Variants in TFDP1 observed in about 807,000 individuals in gnomAD.
TFDP1 encodes the protein DRTF1-polypeptide 1.
A neutral mutation model predicts 48.0 loss-of-function variants in TFDP1; 6 were observed. That is an observed-to-expected ratio of 0.13 (90% CI 0.07 to 0.25). The LOEUF (loss-of-function observed/expected upper bound fraction) is 0.25. Among genes scored for constraint, TFDP1 ranks in the 10% least tolerant of loss-of-function variants. TFDP1 has a pLI of 1.00. For synonymous variants in TFDP1, 201 were observed against 211.6 expected, an observed-to-expected ratio of 0.95 and a Z score of 0.44; for missense variants, 335 against 543.0, an observed-to-expected ratio of 0.62 and a Z score of 3.81.
chr13:113,603,376 G>C (rs1297175966), intron 2 of TFDP1, among the ~76,000 whole-genome samples: 1 of 152,262 alleles, frequency 6.6e-6, no homozygotes, highest in Non-Finnish European at 1.5e-5. Flanking sequence ...GGCCCGGGCA[G>C]CGCCTCCATC....
intron 2 of TFDP1, among the ~76,000 whole-genome samples, chr13:113,592,282 A>C (rs1029649915): frequency 6.6e-6 from 1 of 152,178 alleles, no homozygotes; most frequent in African/African-American, 2.4e-5. Flanking sequence ...CAGCCTCCCA[A>C]GTAGCTGGGA....
chr13:113,624,401 G>C (rs1014853167), intron 4 of TFDP1, among the ~76,000 whole-genome samples: 8 of 149,078 alleles, frequency 5.4e-5, no homozygotes, highest in East Asian at 2.0e-4. Flanking sequence ...GTATCTCTCA[G>C]GCATCCCCAG....
chr13:113,615,985 C>G (rs2048847094), intron 3 of TFDP1, among the ~76,000 whole-genome samples: 1 of 151,926 alleles, frequency 6.6e-6, no homozygotes, highest in Non-Finnish European at 1.5e-5. Context: ...GGTGTATCAC[C>G]TGAGGTCAGG....
chr13:113,631,963 C>G (rs1364152430), intron 5 of TFDP1: 2 of 587,146 alleles, frequency 3.4e-6, no homozygotes, highest in Non-Finnish European at 5.8e-6. Flanking sequence ...GCACCGCCCA[C>G]CCCGCTTTGT....
At chr13:113,593,180 G>C (rs1246539777) in intron 2 of TFDP1, among the ~76,000 whole-genome samples, 2 of 145,432 alleles carry the variant, frequency 1.4e-5, no homozygotes, top group Non-Finnish European at 3.0e-5. Flanking sequence ...CCCTGCCCAG[G>C]TGACAGGTGT....
intron 3 of TFDP1, among the ~76,000 whole-genome samples, chr13:113,614,397 C>T (rs1324962580): frequency 1.3e-5 from 2 of 152,178 alleles, no homozygotes; most frequent in African/African-American, 4.8e-5. Context: ...TAGATGGAGC[C>T]GTTGCAGCTG....
At chr13:113,611,425 T>A (rs2140402635) in intron 3 of TFDP1, among the ~76,000 whole-genome samples, 1 of 152,374 alleles carries the variant, frequency 6.6e-6, no homozygotes, top group East Asian at 1.9e-4. Context: ...CCTGTGCTGT[T>A]TGAGGAAAGA....
chr13:113,601,047 C>T (rs556047128), intron 2 of TFDP1, among the ~76,000 whole-genome samples: 2 of 152,210 alleles, frequency 1.3e-5, no homozygotes, highest in East Asian at 3.9e-4. Flanking sequence ...TGAGCCTTCA[C>T]GCTGTCCTGG....
At chr13:113,586,540 T>A (rs191531099) in intron 2 of TFDP1, among the ~76,000 whole-genome samples, 2 of 152,344 alleles carry the variant, frequency 1.3e-5, no homozygotes, top group Admixed American at 1.3e-4. Context: ...CTGGATTCTT[T>A]AGTGTTTCCC....
intron 4 of TFDP1, among the ~76,000 whole-genome samples, chr13:113,629,217 C>T (rs547205417): frequency 6.6e-5 from 10 of 152,324 alleles, no homozygotes; most frequent in South Asian, 4.1e-4. Flanking sequence ...GGCCGGATGC[C>T]GCGGGGCCTT....
chr13:113,589,724 C>T (rs1474784745), intron 2 of TFDP1, among the ~76,000 whole-genome samples: 2 of 152,232 alleles, frequency 1.3e-5, no homozygotes, highest in African/African-American at 4.8e-5. Context: ...TAGAGTCGGA[C>T]AGACCCTTGT....
chr13:113,603,925 G>A (rs1348623215), intron 2 of TFDP1, among the ~76,000 whole-genome samples: 1 of 152,076 alleles, frequency 6.6e-6, no homozygotes, highest in Non-Finnish European at 1.5e-5. Flanking sequence ...GCTAGGCCAG[G>A]CGTGGTAGCT....
At position 113,633,023 on chromosome 13, in the gene TFDP1, TGCAGCTCA is replaced by T; in HGVS notation, c.309-96_309-89del. The T allele has an allele frequency of 6.7e-7, 1 of 1,492,338 alleles. No individual in the cohort carries two copies. The highest frequency in any genetic ancestry group is 1.2e-5 in the South Asian group (1 of 82,182). The allele number at this position is 1,492,338 out of a possible 1,614,324, so 92.4% of individuals were successfully genotyped here. On this transcript the variant is annotated intron_variant, in intron 5 of 11. Transcript: ENST00000375370. This position sits in a 1 kb window ranked among gnomAD's most constrained non-coding sequence, Gnocchi z 4.5. Reference sequence around the variant, plus strand: ...GCCCGTGGGACGTGGCCCCTTTTTGTGCAGCTCATTAGAGCTCTCAGGTAAAAGCATTC... The same window carrying T: ...GCCCGTGGGACGTGGCCCCTTTTTGTTTAGAGCTCTCAGGTAAAAGCATTC...
chr13:113,595,295 G>A (rs918517772), intron 2 of TFDP1, among the ~76,000 whole-genome samples: 1 of 152,118 alleles, frequency 6.6e-6, no homozygotes, highest in Non-Finnish European at 1.5e-5. Flanking sequence ...TTCAAGCCAC[G>A]CCCACCATAC....
intron 2 of TFDP1, among the ~76,000 whole-genome samples, chr13:113,595,225 C>T (rs148310152): frequency 6.6e-6 from 1 of 152,342 alleles, no homozygotes; most frequent in African/African-American, 2.4e-5. Context: ...AAATGTGCAT[C>T]TGGTCCCCAA....
At chr13:113,631,856 G>T in intron 5 of TFDP1, 112 bp downstream of exon 5, 1 of 1,405,012 alleles carries the variant, frequency 7.1e-7, no homozygotes, top group Non-Finnish European at 9.6e-7. Flanking sequence ...TCCCACGCGC[G>T]TTGACGCCAG....
At chr13:113,593,001 G>A (rs578203731) in intron 2 of TFDP1, among the ~76,000 whole-genome samples, 5 of 147,914 alleles carry the variant, frequency 3.4e-5, no homozygotes, top group Admixed American at 2.7e-4. Flanking sequence ...TGCTGTGCAC[G>A]CGTCCTCAGC....
intron 3 of TFDP1, among the ~76,000 whole-genome samples, chr13:113,616,400 C>T (rs1043028966): frequency 2.6e-5 from 4 of 152,060 alleles, no homozygotes; most frequent in African/African-American, 9.7e-5. Flanking sequence ...GTAGAGTGCT[C>T]ATGATTTTTA....
In TFDP1 at chr13:113,623,411, C is replaced by T; in HGVS notation, c.186+125C>T. ...GCTCCAGTTGCAGCATGGGGCCTTT[C>T]CCTCATCAGGGAGCCCGTGGCCAGT... On this transcript the variant is annotated intron_variant, in intron 4 of 11. Transcript: ENST00000375370. The surrounding 1 kb of genome is among the most constrained non-coding windows in gnomAD (Gnocchi z 5.2). 2.3e-6 allele frequency: 2 copies of T among 863,038 alleles called. No homozygotes were observed. The highest frequency in any genetic ancestry group is 3.6e-6 in the Non-Finnish European group (2 of 558,536). The allele number at this position is 863,038 out of a possible 1,614,324, so 53.5% of individuals were successfully genotyped here. A position where few individuals can be genotyped will look rare whatever the true frequency, so the allele number is the denominator to read the frequency against.
Sources: gnomAD v4.1 joint callset for allele counts (sites outside exome capture counted in the v4.1 genomes callset) on GRCh38, gnomAD v4.1.1 for gene constraint, Gnocchi (gnomAD v3.1) non-coding constraint, MANE v1.5 for transcripts, NCBI Gene and HGNC (gene_info 2026-07-23, HGNC 2026-07-21) for gene names.